Variants in RAPGEF6 observed in about 807,000 individuals in gnomAD.
The protein encoded by RAPGEF6 is PDZ domain containing guanine nucleotide exchange factor (GEF) 2.
RAPGEF6 carries 56 observed loss-of-function variants against 171.4 expected under a neutral mutation model. That is an observed-to-expected ratio of 0.33 (90% CI 0.26 to 0.41). The LOEUF is 0.41. Ranked by LOEUF, RAPGEF6 falls within the 10% of genes least tolerant of loss-of-function variation. The pLI is 1.00. For missense variants in RAPGEF6, 1,674 were observed against 1,921.4 expected, an observed-to-expected ratio of 0.87 and a Z score of 2.41; for synonymous variants, 692 against 650.1, an observed-to-expected ratio of 1.06 and a Z score of -0.98.
intron 1 of RAPGEF6, among the ~76,000 whole-genome samples, chr5:131,616,414 T>C (rs925626617): frequency 6.6e-6 from 1 of 152,178 alleles, no homozygotes; most frequent in Non-Finnish European, 1.5e-5. Context: ...AGGTTGGAAT[T>C]TTTTCCCCTT....
chr5:131,467,006 T>G (rs150850823), intron 17 of RAPGEF6, among the ~76,000 whole-genome samples: 115 of 152,342 alleles, frequency 7.5e-4, no homozygotes, highest in South Asian at 6.4e-3. Context: ...TGAATCATTT[T>G]ACTAGATCTT....
chr5:131,608,437 C>G (rs1015196169), intron 1 of RAPGEF6, among the ~76,000 whole-genome samples: 1 of 152,042 alleles, frequency 6.6e-6, no homozygotes, highest in East Asian at 1.9e-4. Flanking sequence ...CTTTTTTTGA[C>G]AGGCTATGTT....
chr5:131,601,328 T>C (rs962556671), intron 3 of RAPGEF6, among the ~76,000 whole-genome samples: 3 of 143,516 alleles, frequency 2.1e-5, no homozygotes, highest in Non-Finnish European at 4.5e-5. Flanking sequence ...GAGGTTGCAG[T>C]GAGCCAAGGT....
rs145761986 is a variant in RAPGEF6, at chr5:131,512,084, C to T, written c.628-1593G>A. Reference sequence around the variant, plus strand: ...ATAGGAAAGGGAATGGGGAGGAGGACACTGAACAAGAGAGTCAAACAAAGA... The same window carrying T: ...ATAGGAAAGGGAATGGGGAGGAGGATACTGAACAAGAGAGTCAAACAAAGA... On this transcript the variant is annotated intron_variant, in intron 7 of 27. Transcript: ENST00000509018. 4.2e-3 allele frequency among the ~76,000 whole-genome samples: 645 copies of T among 152,188 alleles called. 3 individuals are homozygous for T. Among genetic ancestry groups the T allele is most frequent in the Middle Eastern group, 0.02 (6 of 294 alleles).
intron 22 of RAPGEF6, among the ~76,000 whole-genome samples, chr5:131,443,759 T>C (rs535116497): frequency 6.0e-4 from 92 of 152,354 alleles, no homozygotes; most frequent in African/African-American, 2.1e-3. Flanking sequence ...GGCTTTAACC[T>C]ACTTGAGAGT....
At chr5:131,559,478 C>T (rs1761453789) in intron 5 of RAPGEF6, among the ~76,000 whole-genome samples, 1 of 151,902 alleles carries the variant, frequency 6.6e-6, no homozygotes, top group Non-Finnish European at 1.5e-5. Flanking sequence ...TACAATTAAC[C>T]TTTTATCACT....
At chr5:131,547,931 C>T in intron 6 of RAPGEF6, 116 bp downstream of exon 6, 3 of 1,111,968 alleles carry the variant, frequency 2.7e-6, no homozygotes, top group South Asian at 3.2e-5. Context: ...ATTTACCTGC[C>T]CCAAATTTTC....
rs113254317 is a variant in RAPGEF6 at position 131,453,557 on chromosome 5, C to T, written c.3077-380G>A. 3.4e-3 allele frequency among the ~76,000 whole-genome samples: 514 copies of T among 152,258 alleles called. 2 individuals are homozygous for T. The highest frequency in any genetic ancestry group is 0.012 in the African/African-American group (493 of 41,542). On this transcript the variant is annotated intron_variant, in intron 20 of 27. Transcript: ENST00000509018. Reference sequence around the variant, plus strand: ...AATGAGCCATGACTGTGCCACTACACTTCAGCCTGGGCAACAGAGTGAGAT... The same window carrying T: ...AATGAGCCATGACTGTGCCACTACATTTCAGCCTGGGCAACAGAGTGAGAT...
At chr5:131,632,378 G>A (rs901084334) in intron 1 of RAPGEF6, among the ~76,000 whole-genome samples, 2 of 152,142 alleles carry the variant, frequency 1.3e-5, no homozygotes, top group Non-Finnish European at 2.9e-5. Context: ...GCCATCACAT[G>A]CATCAAGTCT....
At chr5:131,488,554 A>G (rs911444481) in intron 15 of RAPGEF6, among the ~76,000 whole-genome samples, 7 of 152,200 alleles carry the variant, frequency 4.6e-5, no homozygotes, top group African/African-American at 1.7e-4. Flanking sequence ...ATTCTATGCT[A>G]AAGTAATATA....
chr5:131,424,132 C>T lies in RAPGEF6; in HGVS notation c.*3134G>A, dbSNP rs916809850. 6.6e-6 allele frequency: 1 copy of T among 152,450 alleles called. No individual in the cohort carries two copies. Among genetic ancestry groups the T allele is most frequent in the Middle Eastern group, 3.4e-3 (1 of 294 alleles). The allele number at this position is 152,450 out of a possible 1,614,324, so 9.4% of individuals were successfully genotyped here. A position where few individuals can be genotyped will look rare whatever the true frequency, so the allele number is the denominator to read the frequency against. On this transcript the variant is annotated 3_prime_UTR_variant, in exon 28 of 28. Transcript: ENST00000509018. The stretch of plus-strand genomic sequence containing the variant: ...ACATTGCTTGTTACAGGATACCTTA[C>T]AATCAATGAATTGTGCAGTAGAATT...
chr5:131,466,041 T>C (rs1333563787), intron 17 of RAPGEF6, among the ~76,000 whole-genome samples: 2 of 143,502 alleles, frequency 1.4e-5, no homozygotes, highest in East Asian at 2.0e-4. Context: ...GATACAGATA[T>C]GGCAGGAAAT....
intron 11 of RAPGEF6, 61 bp downstream of exon 11, chr5:131,504,563 CAA>C: frequency 6.9e-7 from 1 of 1,448,364 alleles, no homozygotes; most frequent in Middle Eastern, 1.8e-4. Flanking sequence ...TGGTTTAAAA[CAA>C]GATGAAAGCT....
At chr5:131,610,882 C>A (rs554408990) in intron 1 of RAPGEF6, among the ~76,000 whole-genome samples, 2 of 152,158 alleles carry the variant, frequency 1.3e-5, no homozygotes, top group Non-Finnish European at 2.9e-5. Flanking sequence ...TGAAAATATG[C>A]CTCTCAGATT....
At chr5:131,554,845 T>C (rs1200687015) in intron 5 of RAPGEF6, among the ~76,000 whole-genome samples, 2 of 151,718 alleles carry the variant, frequency 1.3e-5, no homozygotes, top group African/African-American at 4.9e-5. Context: ...TAGTCAGAAT[T>C]AGCACTAAAA....
intron 7 of RAPGEF6, among the ~76,000 whole-genome samples, chr5:131,513,434 T>C (rs1038044491): frequency 6.6e-6 from 1 of 152,208 alleles, no homozygotes; most frequent in Non-Finnish European, 1.5e-5. Flanking sequence ...TTTCATCCCC[T>C]GACCCAGATT....
intron 20 of RAPGEF6, among the ~76,000 whole-genome samples, chr5:131,454,549 G>A (rs1245617176): frequency 6.6e-6 from 1 of 151,886 alleles, no homozygotes; most frequent in Non-Finnish European, 1.5e-5. Flanking sequence ...GAGAACTCTG[G>A]AAAAGAACAT....
At chr5:131,607,066 G>C (rs1764645836) in intron 1 of RAPGEF6, among the ~76,000 whole-genome samples, 1 of 152,120 alleles carries the variant, frequency 6.6e-6, no homozygotes, top group African/African-American at 2.4e-5. Context: ...CACTCCCTCA[G>C]TTTATAATTA....
intron 9 of RAPGEF6, among the ~76,000 whole-genome samples, chr5:131,506,643 A>G (rs1757389457): frequency 6.6e-6 from 1 of 152,182 alleles, no homozygotes. Context: ...TATACTCACT[A>G]CACAACTTGT....
Sources: allele counts gnomAD v4.1 joint callset (sites outside exome capture counted in the v4.1 genomes callset), GRCh38; gene constraint gnomAD v4.1.1; transcripts MANE v1.5; gene names NCBI Gene and HGNC (gene_info 2026-07-23, HGNC 2026-07-21).